DCC: variants seen among roughly 807,000 people sequenced by gnomAD.
The protein encoded by DCC is netrin receptor DCC.
A neutral mutation model predicts 172.5 loss-of-function variants in DCC; 58 were observed. The observed-to-expected ratio is 0.34, with a 90% CI of 0.27 to 0.42. DCC has a LOEUF of 0.42. Ranked by LOEUF, DCC falls within the 10% of genes least tolerant of loss-of-function variation. DCC has a pLI of 1.00. For synonymous variants in DCC, 709 were observed against 644.5 expected (o/e 1.10, Z -1.52); for missense variants, 1,740 against 1,791.0 (o/e 0.97, Z 0.51).
chr18:53,114,225 T>C (rs2043377433), intron 7 of DCC, among the ~76,000 whole-genome samples: 1 of 150,988 alleles, frequency 6.6e-6, no homozygotes, highest in African/African-American at 2.4e-5. Context: ...GCTTTATTTC[T>C]AAATTGTACC....
At chr18:52,617,959 G>A (rs1452780915) in intron 1 of DCC, among the ~76,000 whole-genome samples, 1 of 152,110 alleles carries the variant, frequency 6.6e-6, no homozygotes, top group Non-Finnish European at 1.5e-5. Context: ...AGGTATGACA[G>A]AAACCTAATA....
intron 3 of DCC, among the ~76,000 whole-genome samples, chr18:52,908,918 G>T (rs112480487): frequency 6.6e-6 from 1 of 151,848 alleles, no homozygotes; most frequent in African/African-American, 2.4e-5. Context: ...ACATGCATGC[G>T]CACACACACA....
intron 2 of DCC, among the ~76,000 whole-genome samples, chr18:52,878,864 G>C (rs758325820): frequency 6.6e-6 from 1 of 152,196 alleles, no homozygotes; most frequent in Non-Finnish European, 1.5e-5. Flanking sequence ...TGATACTTGA[G>C]AATATCAGTA....
chr18:53,282,837 A>G (rs895726370), intron 12 of DCC, among the ~76,000 whole-genome samples: 1 of 152,146 alleles, frequency 6.6e-6, no homozygotes, highest in Non-Finnish European at 1.5e-5. Context: ...TAATTAAATG[A>G]ATGCCATTGG....
At chr18:52,934,916 C>T (rs537729657) in intron 5 of DCC, 1 of 152,264 alleles carries the variant, frequency 6.6e-6, no homozygotes, top group Admixed American at 6.5e-5. Flanking sequence ...ACTTCCTAAT[C>T]TCCAGAGCTA....
chr18:53,195,379 CATGAAAGAGACTA>C lies in DCC; in HGVS notation c.1574-9836_1574-9824del, dbSNP rs2055428274. On this transcript the variant is annotated intron_variant, in intron 9 of 28. Coordinates refer to ENST00000442544, the MANE Select transcript of DCC (RefSeq NM_005215.4). The stretch of plus-strand genomic sequence containing the variant: ...TGATTTTTTAACTTTCTTTGAGTCT[CATGAAAGAGACTA>C]CATTTTTCTGAGATTGGCAAAACAT... 2.6e-5 allele frequency among the ~76,000 whole-genome samples: 4 copies of C among 152,090 alleles called. No homozygotes were observed. The South Asian group carries it at 8.3e-4, about 31-fold the overall frequency.
chr18:52,974,381 A>G (rs560912616), intron 5 of DCC, among the ~76,000 whole-genome samples: 21 of 152,292 alleles, frequency 1.4e-4, no homozygotes, highest in Admixed American at 1.2e-3. Context: ...ACAAGCTATT[A>G]ATGAAATGTT....
chr18:52,530,676 A>T lies in DCC; in HGVS notation c.91+189798A>T, dbSNP rs74942313. On this transcript the variant is annotated intron_variant, in intron 1 of 28. Transcript: ENST00000442544. ...TTCAGGGAAAATGAATGAAATTACC[A>T]AAAACTGAAGAAGATATGTCTTCAT... Among the ~76,000 whole-genome samples, 794 of 152,364 alleles carry T rather than the reference A, an allele frequency of 5.2e-3. 23 individuals carry two copies. The East Asian group carries it at 0.078, about 15-fold the overall frequency.
intron 15 of DCC, among the ~76,000 whole-genome samples, chr18:53,346,969 G>T (rs1015774020): frequency 9.2e-5 from 14 of 152,176 alleles, no homozygotes; most frequent in African/African-American, 3.4e-4. Flanking sequence ...GATCTATCTT[G>T]CTTTCTCTTC....
At chr18:52,633,134 TCC>T (rs1441154996) in intron 1 of DCC, among the ~76,000 whole-genome samples, 9 of 151,372 alleles carry the variant, frequency 5.9e-5, no homozygotes, top group African/African-American at 1.9e-4. Context: ...TCCTGTCCTG[TCC>T]TGTCCTGTCC....
At chr18:53,455,586 T>G (rs2045473298) in intron 23 of DCC, among the ~76,000 whole-genome samples, 1 of 152,260 alleles carries the variant, frequency 6.6e-6, no homozygotes, top group South Asian at 2.1e-4. Context: ...GTAATTCTTA[T>G]TATTTAATTC....
At chr18:53,312,354 A>G (rs1361325701) in intron 13 of DCC, among the ~76,000 whole-genome samples, 2 of 143,750 alleles carry the variant, frequency 1.4e-5, no homozygotes, top group African/African-American at 5.2e-5. Flanking sequence ...AAAAAAAAAA[A>G]AAAAAAAAAG....
chr18:52,866,381 T>C (rs911265388), intron 2 of DCC, among the ~76,000 whole-genome samples: 1 of 152,192 alleles, frequency 6.6e-6, no homozygotes, highest in African/African-American at 2.4e-5. Context: ...AGGGGTTCTT[T>C]TTTGGTTCCA....
intron 1 of DCC, among the ~76,000 whole-genome samples, chr18:52,563,616 A>G (rs1197182703): frequency 1.3e-5 from 2 of 152,182 alleles, no homozygotes; most frequent in Admixed American, 6.6e-5. Context: ...CTTGGTGACT[A>G]TGCCTTTTTG....
intron 8 of DCC, among the ~76,000 whole-genome samples, chr18:53,170,303 T>G (rs1245889198): frequency 6.6e-6 from 1 of 152,192 alleles, no homozygotes; most frequent in Non-Finnish European, 1.5e-5. Flanking sequence ...GAGAGCAGTT[T>G]CCAGCCCTTT....
At chr18:52,706,193 TA>T (rs34513058) in intron 1 of DCC, among the ~76,000 whole-genome samples, 7 of 152,088 alleles carry the variant, frequency 4.6e-5, no homozygotes, top group South Asian at 2.1e-4. Flanking sequence ...ATAATTCTAT[TA>T]AAAAAAAGAA....
At chr18:53,174,365 C>G (rs1248091515) in intron 8 of DCC, among the ~76,000 whole-genome samples, 1 of 151,322 alleles carries the variant, frequency 6.6e-6, no homozygotes, top group African/African-American at 2.4e-5. Context: ...CACAAAAAAC[C>G]CTTCAAAAAA....
chr18:52,354,513 C>T (rs1430069339), intron 1 of DCC, among the ~76,000 whole-genome samples: 1 of 152,102 alleles, frequency 6.6e-6, no homozygotes, highest in Non-Finnish European at 1.5e-5. Context: ...TTAACCAACT[C>T]CTTGGCCAAA....
At chr18:52,387,629 T>TCCTTCCTC (rs1985864372) in intron 1 of DCC, among the ~76,000 whole-genome samples, 1 of 149,160 alleles carries the variant, frequency 6.7e-6, no homozygotes, top group Admixed American at 6.7e-5. Context: ...CTTCCTTCCT[T>TCCTTCCTC]CCTTCTGTCC....
Sources: allele counts gnomAD v4.1 joint callset (sites outside exome capture counted in the v4.1 genomes callset), GRCh38; gene constraint gnomAD v4.1.1; transcripts MANE v1.5; gene names NCBI Gene and HGNC (gene_info 2026-07-23, HGNC 2026-07-21).